The following SERINC5 variants were observed in gnomAD, a reference collection of about 807,000 sequenced individuals.
SERINC5 encodes serine incorporator 5.
A neutral mutation model predicts 63.1 loss-of-function variants in SERINC5; 41 were observed. That is an observed-to-expected ratio of 0.65 (90% CI 0.51 to 0.84). The LOEUF (loss-of-function observed/expected upper bound fraction) is 0.84. Among genes scored for constraint, SERINC5 ranks in the 40% least tolerant of loss-of-function variants. The pLI, the probability that SERINC5 is intolerant of heterozygous loss-of-function variation, is 0.00. For missense variants in SERINC5, 523 were observed against 573.0 expected (o/e 0.91, Z 0.89); for synonymous variants, 222 against 215.2 (o/e 1.03, Z -0.28).
intron 2 of SERINC5, among the ~76,000 whole-genome samples, chr5:80,181,483 G>A (rs1282273660): frequency 6.8e-6 from 1 of 147,212 alleles, no homozygotes; most frequent in Non-Finnish European, 1.5e-5. Flanking sequence ...AACTGGTCTC[G>A]AACTCCTAGA....
chr5:80,222,553 A>AGTGT (rs1554070041), intron 1 of SERINC5, among the ~76,000 whole-genome samples: 1 of 138,892 alleles, frequency 7.2e-6, no homozygotes, highest in African/African-American at 2.5e-5. Flanking sequence ...TTTGTGGGTG[A>AGTGT]GTGTGTGAGT....
At chr5:80,160,875 T>G (rs1746835100) in intron 7 of SERINC5, among the ~76,000 whole-genome samples, 1 of 151,956 alleles carries the variant, frequency 6.6e-6, no homozygotes, top group Non-Finnish European at 1.5e-5. Context: ...TTTCATTCTT[T>G]TTTATGGCTG....
At chr5:80,253,294 G>A (rs1455375876) in intron 1 of SERINC5, among the ~76,000 whole-genome samples, 2 of 152,238 alleles carry the variant, frequency 1.3e-5, no homozygotes, top group Admixed American at 6.5e-5. Context: ...GCCAGGATTC[G>A]AGCTCCATCA....
chr5:80,175,602 C>T (rs1747974489), intron 4 of SERINC5, among the ~76,000 whole-genome samples: 1 of 152,096 alleles, frequency 6.6e-6, no homozygotes, highest in African/African-American at 2.4e-5. Context: ...GGCACAGTGG[C>T]TCATGCCTGC....
Position 80,238,041 on chromosome 5 carries a change from T to C in SERINC5, c.27+17855A>G, listed in dbSNP as rs192439954. Among the ~76,000 whole-genome samples the C allele has an allele frequency of 4.8e-3, 712 of 147,634 alleles. 4 individuals are homozygous for C. Among genetic ancestry groups the C allele is most frequent in the Non-Finnish European group, 6.0e-3 (406 of 67,358 alleles). ...CTCACTTGAACCCGGGAGGCAGAGA[T>C]TGCAGTGAGCAGAGATCGCACCACT... On this transcript the variant is annotated intron_variant, in intron 1 of 11. Transcript: ENST00000507668.
chr5:80,182,003 A>C (rs561949320), intron 2 of SERINC5, among the ~76,000 whole-genome samples: 44 of 152,206 alleles, frequency 2.9e-4, no homozygotes, highest in Non-Finnish European at 5.9e-4. Context: ...TTTGTTGCAC[A>C]ATGTTTAATC....
At chr5:80,245,395 A>T (rs540761865) in intron 1 of SERINC5, among the ~76,000 whole-genome samples, 3 of 152,146 alleles carry the variant, frequency 2.0e-5, no homozygotes, top group Non-Finnish European at 4.4e-5. Flanking sequence ...GTCCCTGCCA[A>T]GGGACCCCCA....
At chr5:80,125,876 AG>A (rs774856540) in intron 11 of SERINC5, among the ~76,000 whole-genome samples, 1 of 152,220 alleles carries the variant, frequency 6.6e-6, no homozygotes, top group Non-Finnish European at 1.5e-5. Context: ...TAGTTGAAAA[AG>A]AAAAGCAAGA....
intron 11 of SERINC5, among the ~76,000 whole-genome samples, chr5:80,120,838 G>C (rs1744513913): frequency 6.6e-6 from 1 of 152,096 alleles, no homozygotes; most frequent in Non-Finnish European, 1.5e-5. Context: ...TACCTGCATT[G>C]CTATAAAGAA....
intron 8 of SERINC5, among the ~76,000 whole-genome samples, chr5:80,153,588 G>A (rs999393110): frequency 1.3e-5 from 2 of 152,042 alleles, no homozygotes; most frequent in Admixed American, 6.6e-5. Flanking sequence ...CAATTCCTGG[G>A]TTACCTATAA....
At chr5:80,251,021 T>A (rs1314296908) in intron 1 of SERINC5, among the ~76,000 whole-genome samples, 2 of 152,236 alleles carry the variant, frequency 1.3e-5, no homozygotes, top group Non-Finnish European at 2.9e-5. Flanking sequence ...TGATGGATAG[T>A]TCCTGGTGGC....
intron 1 of SERINC5, among the ~76,000 whole-genome samples, chr5:80,217,756 T>A (rs1317205759): frequency 6.6e-6 from 1 of 152,184 alleles, no homozygotes; most frequent in Non-Finnish European, 1.5e-5. Flanking sequence ...GATTTTTTAA[T>A]CAAACTCAGC....
intron 1 of SERINC5, among the ~76,000 whole-genome samples, chr5:80,243,997 TAAAG>T (rs1019844487): frequency 6.6e-6 from 1 of 152,038 alleles, no homozygotes; most frequent in Admixed American, 6.6e-5. Context: ...TGGCAGAACT[TAAAG>T]AATAGTTAAA....
rs143430536 is a variant in SERINC5 at position 80,243,134 on chromosome 5, T to C, written c.27+12762A>G. Among the ~76,000 whole-genome samples the C allele has an allele frequency of 2.2e-3, 341 of 152,288 alleles. 1 individual carries two copies. The highest frequency in any genetic ancestry group is 7.5e-3 in the African/African-American group (310 of 41,568). On this transcript the variant is annotated intron_variant, in intron 1 of 11. Transcript: ENST00000507668. ...GAGAACCCCTGGTCTTTAGGCAACATTCATAAGTTCAAGAGTCCCAGGGGG... is the reference window on the plus strand; with the variant it reads ...GAGAACCCCTGGTCTTTAGGCAACACTCATAAGTTCAAGAGTCCCAGGGGG...
At chr5:80,212,829 T>G (rs998414232) in intron 1 of SERINC5, among the ~76,000 whole-genome samples, 4 of 152,218 alleles carry the variant, frequency 2.6e-5, no homozygotes, top group Non-Finnish European at 1.5e-5. Flanking sequence ...ACAGTGTAAC[T>G]GCAGGTAGTT....
Position 80,174,980 on chromosome 5 carries a change from C to T in SERINC5, c.525G>A (p.Glu175=). Residue 175 remains glutamate, a synonymous_variant, in exon 5 of 12, where the codon GAG becomes GAA. Coordinates refer to ENST00000507668, the MANE Select transcript of SERINC5 (RefSeq NM_001174072.3). ...AGTTCTTGTTCCACTTATGTGCAAA[C>T]TCCACGAGCAGGAGGAGCTGGATGC... ...FIGIQLLLLV[E]FAHKWNKNWT... The T allele has an allele frequency of 6.2e-7, 1 of 1,602,360 alleles. No individual in the cohort carries two copies. Among genetic ancestry groups the T allele is most frequent in the Non-Finnish European group, 8.5e-7 (1 of 1,174,286 alleles).
intron 8 of SERINC5, among the ~76,000 whole-genome samples, chr5:80,154,101 C>A (rs1220958812): frequency 6.6e-6 from 1 of 152,184 alleles, no homozygotes; most frequent in African/African-American, 2.4e-5. Flanking sequence ...CAGTCATGCT[C>A]CCCTGTGCTA....
At chr5:80,195,625 T>C (rs550764586) in intron 2 of SERINC5, among the ~76,000 whole-genome samples, 88 of 152,328 alleles carry the variant, frequency 5.8e-4, no homozygotes, top group African/African-American at 1.9e-3. Flanking sequence ...TGGCTTCATA[T>C]TTATTTTAAT....
chr5:80,135,935 G>T (rs1174037788), downstream of SERINC5, among the ~76,000 whole-genome samples: 2 of 152,078 alleles, frequency 1.3e-5, no homozygotes, highest in Non-Finnish European at 2.9e-5. Flanking sequence ...TAGGATGACG[G>T]TTGCCACAGG....
Sources: gnomAD v4.1 joint callset for allele counts (sites outside exome capture counted in the v4.1 genomes callset) on GRCh38, gnomAD v4.1.1 for gene constraint, MANE v1.5 for transcripts, NCBI Gene and HGNC (gene_info 2026-07-23, HGNC 2026-07-21) for gene names.